Variants in AKR1D1 observed in about 807,000 individuals in gnomAD.
AKR1D1 encodes the protein delta(4)-3-ketosteroid 5-beta-reductase.
Under a neutral mutation model 42.6 loss-of-function variants are expected in AKR1D1, and 32 were observed. The observed-to-expected ratio is 0.75, with a 90% confidence interval of 0.57 to 1.01. The LOEUF is 1.01. AKR1D1 is among the 50% of genes least tolerant of loss of function. The probability of loss-of-function intolerance (pLI) is 0.00; values close to 1 mark genes in which losing one functional copy is unlikely to be tolerated. For synonymous variants in AKR1D1, 123 were observed against 135.5 expected (o/e 0.91, Z 0.64); for missense variants, 364 against 402.2 (o/e 0.91, Z 0.81).
chr7:138,088,189 C>T (rs1434767079), intron 1 of AKR1D1, among the ~76,000 whole-genome samples: 2 of 152,166 alleles, frequency 1.3e-5, no homozygotes, highest in Non-Finnish European at 2.9e-5. Flanking sequence ...CCACACCAGG[C>T]CCACTTCATT....
At chr7:138,106,958 A>G (rs1166979458) in intron 6 of AKR1D1, among the ~76,000 whole-genome samples, 1 of 152,184 alleles carries the variant, frequency 6.6e-6, no homozygotes, top group Non-Finnish European at 1.5e-5. Flanking sequence ...AGTTAGTTTA[A>G]TTATTATTTG....
chr7:138,116,766 T>C lies in AKR1D1; in HGVS notation c.*104T>C, dbSNP rs1794643058. On this transcript the variant is annotated 3_prime_UTR_variant, in exon 9 of 9. Coordinates refer to ENST00000242375, the MANE Select transcript of AKR1D1 (RefSeq NM_005989.4). ...ATGAAGAGAGAGGGTTTTACCATCC[T>C]GAGAAGAAATAATGATGGAAACATG... 4 of 1,030,446 alleles carry C rather than the reference T, an allele frequency of 3.9e-6. No homozygotes were observed. The South Asian group carries it at 5.4e-5, about 14-fold the overall frequency. 63.8% of individuals were successfully genotyped at this position (1,030,446 alleles called of 1,614,324 possible). A position where few individuals can be genotyped will look rare whatever the true frequency, so the allele number is the denominator to read the frequency against.
At chr7:138,110,089 T>C (rs952397809) in intron 7 of AKR1D1, among the ~76,000 whole-genome samples, 1 of 152,126 alleles carries the variant, frequency 6.6e-6, no homozygotes, top group African/African-American at 2.4e-5. Flanking sequence ...CAATTCTCAC[T>C]CTTTAGGGAA....
At chr7:138,113,541 C>A in intron 7 of AKR1D1, 149 bp from the exon 8 acceptor site, 1 of 700,278 alleles carries the variant, frequency 1.4e-6, no homozygotes. Context: ...TCCAGCTCCA[C>A]CTCAGTGGGT....
In AKR1D1 at chr7:138,118,023, AC is replaced by A. The variant is rs1433455384; in HGVS notation, c.*1362del. ...GAAAGAGCGAGACTCCGTCTCAAAA[AC>A]AAAAAAAAAAGAAAAGAAATATATT... On this transcript the variant is annotated 3_prime_UTR_variant, in exon 9 of 9. Coordinates refer to ENST00000242375, the MANE Select transcript of AKR1D1 (RefSeq NM_005989.4). 2.0e-5 allele frequency: 3 copies of A among 151,828 alleles called. No individual in the cohort carries two copies. Among genetic ancestry groups the A allele is most frequent in the Middle Eastern group, 6.3e-3 (2 of 316 alleles). The allele number at this position is 151,828 out of a possible 1,614,324, so 9.4% of individuals were successfully genotyped here. A position where few individuals can be genotyped will look rare whatever the true frequency, so the allele number is the denominator to read the frequency against.
chr7:138,099,947 G>C (rs557322132), intron 4 of AKR1D1, among the ~76,000 whole-genome samples: 63 of 151,298 alleles, frequency 4.2e-4, no homozygotes, highest in African/African-American at 1.5e-3. Flanking sequence ...TCACGGGTGA[G>C]GTGACCTGTA....
intron 1 of AKR1D1, among the ~76,000 whole-genome samples, chr7:138,083,511 C>T (rs540979092): frequency 3.9e-4 from 60 of 152,196 alleles, no homozygotes; most frequent in Non-Finnish European, 7.2e-4. Context: ...ATACGGTTTG[C>T]AAATATTTTC....
rs1484264351 is a variant in AKR1D1, at chr7:138,117,576, CTTATATGAATTTTGAGAATT to C, written c.*933_*952del. The C allele has an allele frequency of 9.9e-4, 150 of 152,200 alleles. No homozygotes were observed. The highest frequency in any genetic ancestry group is 3.4e-3 in the African/African-American group (139 of 41,488). 9.4% of individuals were successfully genotyped at this position (152,200 alleles called of 1,614,324 possible). A position where few individuals can be genotyped will look rare whatever the true frequency, so the allele number is the denominator to read the frequency against. ...GACTTTAATAGTGTTACTTGGATAG[CTTATATGAATTTTGAGAATT>C]TTATATGAATTTTGAGAAAGCAAGT... On this transcript the variant is annotated 3_prime_UTR_variant, in exon 9 of 9. Transcript: ENST00000242375.
In AKR1D1 at chr7:138,088,765, A is replaced by G. The variant is rs1429254230; in HGVS notation, c.258A>G (p.Gly86=). 3.1e-6 allele frequency: 5 copies of G among 1,594,568 alleles called. No homozygotes were observed. Among genetic ancestry groups the G allele is most frequent in the East Asian group, 4.5e-5 (2 of 44,272 alleles). The change falls in exon 2 of 9, where the codon GGA becomes GGG. Residue 86 remains glycine (G), a synonymous_variant. Coordinates refer to ENST00000242375, the MANE Select transcript of AKR1D1 (RefSeq NM_005989.4). ...KVRREDIFYC[G]KLWATNHVPE... Reference sequence around the variant, plus strand: ...GGAGGGAAGATATCTTCTACTGTGGAAAGGTGAGATCTTGCCTTCAGCCTC... The same window carrying G: ...GGAGGGAAGATATCTTCTACTGTGGGAAGGTGAGATCTTGCCTTCAGCCTC...
At chr7:138,098,048 G>A in intron 4 of AKR1D1, 105 bp downstream of exon 4, 2 of 918,822 alleles carry the variant, frequency 2.2e-6, no homozygotes, top group South Asian at 2.6e-5. Context: ...TACTTTCAAT[G>A]AAAAGTAACA....
intron 3 of AKR1D1, 48 bp downstream of exon 3, chr7:138,091,932 G>T: frequency 1.7e-6 from 2 of 1,201,364 alleles, no homozygotes; most frequent in South Asian, 1.2e-5. Flanking sequence ...TGGCAACCAT[G>T]AGCCAATAGC....
chr7:138,101,176 CCTCCCTCCCTCCCTCCCTT>C (rs1794305511), intron 4 of AKR1D1, among the ~76,000 whole-genome samples: 1 of 31,336 alleles, frequency 3.2e-5, no homozygotes. Flanking sequence ...TCCCTCCCTC[CCTCCCTCCCTCCCTCCCTT>C]CCTTCCTTCC....
chr7:138,076,523 A>T lies in AKR1D1; in HGVS notation c.5A>T (p.Asp2Val). 2 of 1,613,278 alleles carry T rather than the reference A, an allele frequency of 1.2e-6. No individual in the cohort carries two copies. Among genetic ancestry groups the T allele is most frequent in the African/African-American group, 1.3e-5 (1 of 74,978 alleles). Residue 2 changes from aspartate to valine, a missense_variant, in exon 1 of 9, where the codon GAT becomes GTT. Asp to Val is a radical substitution (Grantham distance 152). Transcript: ENST00000242375. Reference sequence around the variant, plus strand: ...CCTACAGTCAGGTTCTCCACAATGGATCTCAGTGCTGCAAGTCACCGCATA... The same window carrying T: ...CCTACAGTCAGGTTCTCCACAATGGTTCTCAGTGCTGCAAGTCACCGCATA... M[D>V]LSAASHRIPL... is the part of the protein sequence containing the mutation.
At chr7:138,113,838 AG>A (rs1794582030) in intron 8 of AKR1D1, 66 bp downstream of exon 8, 1 of 1,454,912 alleles carries the variant, frequency 6.9e-7, no homozygotes, top group Non-Finnish European at 9.7e-7. Flanking sequence ...TCAAGCAACA[AG>A]GCTCATAAGA....
intron 3 of AKR1D1, among the ~76,000 whole-genome samples, chr7:138,093,071 C>CTTTT (rs200473265): frequency 7.1e-6 from 1 of 140,904 alleles, no homozygotes; most frequent in African/African-American, 2.6e-5. Flanking sequence ...ATACTAATTA[C>CTTTT]TTTTTTTTTT....
chr7:138,101,331 C>G (rs1455642726), intron 4 of AKR1D1, among the ~76,000 whole-genome samples: 1 of 152,042 alleles, frequency 6.6e-6, no homozygotes, highest in Non-Finnish European at 1.5e-5. Flanking sequence ...TCCTGAGTAG[C>G]TGGGATTAGA....
Position 138,106,694 on chromosome 7 carries a change from G to A in AKR1D1, c.666G>A (p.Leu222=). The change falls in exon 6 of 9, where the codon TTG becomes TTA. Residue 222 remains leucine (L), a synonymous_variant. Coordinates refer to ENST00000242375, the MANE Select transcript of AKR1D1 (RefSeq NM_005989.4). ...HDIVITAYSP[L]GTSRNPIWVN... is the part of the protein sequence containing the mutation. ...TTGTCATTACTGCATATAGCCCTTTGGGGACCAGTAGGAATCCAATCTGGT... is the reference window on the plus strand; with the variant it reads ...TTGTCATTACTGCATATAGCCCTTTAGGGACCAGTAGGAATCCAATCTGGT... 6.2e-7 allele frequency: 1 copy of A among 1,613,176 alleles called. No individual in the cohort carries two copies. Among genetic ancestry groups the A allele is most frequent in the Non-Finnish European group, 8.5e-7 (1 of 1,179,196 alleles).
intron 4 of AKR1D1, among the ~76,000 whole-genome samples, chr7:138,102,013 C>T (rs1053416972): frequency 6.6e-6 from 1 of 152,072 alleles, no homozygotes; most frequent in Non-Finnish European, 1.5e-5. Context: ...GAGTTCGAGA[C>T]CAGCCTGGGC....
intron 8 of AKR1D1, among the ~76,000 whole-genome samples, chr7:138,115,447 C>T (rs990570579): frequency 1.3e-5 from 2 of 152,034 alleles, no homozygotes; most frequent in Non-Finnish European, 2.9e-5. Context: ...AAAAAACAAA[C>T]AAACAAAAAC....
Sources: allele counts gnomAD v4.1 joint callset (sites outside exome capture counted in the v4.1 genomes callset), GRCh38; gene constraint gnomAD v4.1.1; transcripts MANE v1.5; gene names NCBI Gene and HGNC (gene_info 2026-07-23, HGNC 2026-07-21).